Variants in CTNNA2 observed in about 807,000 individuals in gnomAD.
CTNNA2 encodes the protein catenin alpha-2.
A neutral mutation model predicts 101.0 loss-of-function variants in CTNNA2; 42 were observed. The observed-to-expected ratio is 0.42, with a 90% CI of 0.32 to 0.54. CTNNA2 has a LOEUF of 0.54. Among genes scored for constraint, CTNNA2 ranks in the 20% least tolerant of loss-of-function variants. The pLI, the probability that CTNNA2 is intolerant of heterozygous loss-of-function variation, is 0.14. For synonymous variants in CTNNA2, 450 were observed against 456.4 expected (o/e 0.99, Z 0.18); for missense variants, 871 against 1,223.1 (o/e 0.71, Z 4.29).
intron 7 of CTNNA2, among the ~76,000 whole-genome samples, chr2:80,274,428 T>C (rs1426669646): frequency 6.6e-6 from 1 of 152,206 alleles, no homozygotes; most frequent in African/African-American, 2.4e-5. Flanking sequence ...AAAGCCCAGT[T>C]CGCTCTGGGC....
intron 3 of CTNNA2, among the ~76,000 whole-genome samples, chr2:79,331,588 G>A (rs1181796871): frequency 6.6e-6 from 1 of 152,134 alleles, no homozygotes; most frequent in East Asian, 1.9e-4. Context: ...GATCCTCACA[G>A]TGGGTCTCCA....
chr2:80,054,975 T>G lies in CTNNA2; in HGVS notation c.1056+145178T>G, dbSNP rs1697124192. ...ATTTTTATAATATCTAAAATTAAAT[T>G]AAACTGTACTTTTATAATTTATGAC... On this transcript the variant is annotated intron_variant, in intron 7 of 18. Coordinates refer to ENST00000402739, the MANE Select transcript of CTNNA2 (RefSeq NM_001282597.3). 3.3e-5 allele frequency among the ~76,000 whole-genome samples: 5 copies of G among 152,262 alleles called. No homozygotes were observed. The South Asian group carries it at 1.0e-3, about 32-fold the overall frequency.
chr2:79,635,494 G>C (rs1336363387), intron 1 of CTNNA2, among the ~76,000 whole-genome samples: 1 of 151,788 alleles, frequency 6.6e-6, no homozygotes, highest in Non-Finnish European at 1.5e-5. Flanking sequence ...CTTGATACAT[G>C]ATAGTTCTTC....
chr2:80,274,380 C>T (rs1024737080), intron 7 of CTNNA2, among the ~76,000 whole-genome samples: 6 of 152,160 alleles, frequency 3.9e-5, no homozygotes, highest in African/African-American at 9.7e-5. Context: ...GGAGCTCCCA[C>T]GTTATTCCCA....
intron 3 of CTNNA2, among the ~76,000 whole-genome samples, chr2:79,323,772 G>A (rs1676679561): frequency 6.6e-6 from 1 of 152,154 alleles, no homozygotes; most frequent in Non-Finnish European, 1.5e-5. Flanking sequence ...ATAGGGAGGT[G>A]GGAGTTTCTC....
intron 7 of CTNNA2, among the ~76,000 whole-genome samples, chr2:79,952,844 G>T (rs891158906): frequency 6.6e-6 from 1 of 152,214 alleles, no homozygotes; most frequent in Non-Finnish European, 1.5e-5. Flanking sequence ...AAAGATGAAA[G>T]TATTTACTGT....
At chr2:79,518,960 G>C (rs1389239749) in intron 1 of CTNNA2, among the ~76,000 whole-genome samples, 1 of 152,016 alleles carries the variant, frequency 6.6e-6, no homozygotes, top group African/African-American at 2.4e-5. Flanking sequence ...CAGGCGCAGT[G>C]TCTCATGCCT....
intron 18 of CTNNA2, among the ~76,000 whole-genome samples, chr2:80,642,948 G>C (rs535541737): frequency 6.6e-6 from 1 of 152,188 alleles, no homozygotes; most frequent in East Asian, 1.9e-4. Context: ...AGAAGAGTAG[G>C]AATAGAGGCA....
intron 1 of CTNNA2, chr2:79,514,727 A>T (rs1671716585): frequency 6.6e-6 from 1 of 152,210 alleles, no homozygotes; most frequent in Non-Finnish European, 1.5e-5. Flanking sequence ...TTTGAAGCCT[A>T]TATTTTGTTC....
intron 3 of CTNNA2, among the ~76,000 whole-genome samples, chr2:79,757,191 T>A (rs1024633275): frequency 6.6e-6 from 1 of 152,206 alleles, no homozygotes; most frequent in Admixed American, 6.5e-5. Flanking sequence ...GAAAATTACA[T>A]ATACTCTACA....
intron 7 of CTNNA2, among the ~76,000 whole-genome samples, chr2:80,045,623 C>G (rs905546800): frequency 6.6e-6 from 1 of 152,134 alleles, no homozygotes; most frequent in Admixed American, 6.5e-5. Context: ...ATCATAAATT[C>G]TTGAGTCTCC....
chr2:79,744,716 T>A, intron 3 of CTNNA2, 134 bp downstream of exon 3: 1 of 834,554 alleles, frequency 1.2e-6, no homozygotes, highest in Non-Finnish European at 1.8e-6. Context: ...CACTTGTCAT[T>A]TTTAATGTTT....
At chr2:79,490,430 G>T (rs983556395) in intron 4 of CTNNA2, among the ~76,000 whole-genome samples, 3 of 152,082 alleles carry the variant, frequency 2.0e-5, no homozygotes, top group African/African-American at 7.2e-5. Context: ...CTCAACATGA[G>T]TCAGTACTGT....
chr2:79,349,547 C>T (rs1262972237), intron 3 of CTNNA2, among the ~76,000 whole-genome samples: 1 of 152,096 alleles, frequency 6.6e-6, no homozygotes, highest in African/African-American at 2.4e-5. Context: ...GTTGAAGATC[C>T]AGCCAAATAT....
intron 2 of CTNNA2, among the ~76,000 whole-genome samples, chr2:79,301,977 C>T (rs555059658): frequency 1.6e-3 from 246 of 152,076 alleles, no homozygotes; most frequent in Non-Finnish European, 2.4e-3. Context: ...CCTGTAATCC[C>T]AGCTACTCAG....
At chr2:80,301,941 G>T in intron 7 of CTNNA2, 1 of 256,766 alleles carries the variant, frequency 3.9e-6, no homozygotes, top group Non-Finnish European at 7.3e-6. Context: ...TCAATGATTG[G>T]TACCTTTTTT....
chr2:79,331,873 C>G (rs921415041), intron 3 of CTNNA2, among the ~76,000 whole-genome samples: 1 of 152,210 alleles, frequency 6.6e-6, no homozygotes, highest in Admixed American at 6.5e-5. Flanking sequence ...GAACAAAATA[C>G]GTAGGTGCTT....
chr2:80,093,463 A>G (rs1363572216), intron 7 of CTNNA2, among the ~76,000 whole-genome samples: 1 of 152,206 alleles, frequency 6.6e-6, no homozygotes, highest in East Asian at 1.9e-4. Context: ...CGCAATAAAC[A>G]TACGTGTGTA....
At chr2:79,531,595 A>G (rs1351477748) in intron 1 of CTNNA2, among the ~76,000 whole-genome samples, 1 of 152,158 alleles carries the variant, frequency 6.6e-6, no homozygotes, top group Non-Finnish European at 1.5e-5. Flanking sequence ...AAAAGAGGCA[A>G]GGTGTGTAAG....
Sources: gnomAD v4.1 joint callset for allele counts (sites outside exome capture counted in the v4.1 genomes callset) on GRCh38, gnomAD v4.1.1 for gene constraint, MANE v1.5 for transcripts, NCBI Gene and HGNC (gene_info 2026-07-23, HGNC 2026-07-21) for gene names.